The following DGLUCY variants were observed in gnomAD, a reference collection of about 807,000 sequenced individuals.
The protein encoded by DGLUCY is D-glutamate cyclase, mitochondrial.
Under a neutral mutation model 58.5 loss-of-function variants are expected in DGLUCY, and 58 were observed. That is an observed-to-expected ratio of 0.99 (90% CI 0.80 to 1.23). The LOEUF is 1.23. DGLUCY is among the 50% of genes most tolerant of loss of function. DGLUCY has a pLI of 0.00. For missense variants in DGLUCY, 779 were observed against 784.7 expected, an observed-to-expected ratio of 0.99 and a Z score of 0.09; for synonymous variants, 325 against 314.1, an observed-to-expected ratio of 1.03 and a Z score of -0.37.
intron 3 of DGLUCY, among the ~76,000 whole-genome samples, chr14:91,161,442 C>T (rs2047975260): frequency 6.6e-6 from 1 of 152,194 alleles, no homozygotes; most frequent in Admixed American, 6.5e-5. Context: ...TTGGTCTTAG[C>T]AGGGCGCTTC....
At chr14:91,167,813 C>T in intron 4 of DGLUCY, 1 of 623,302 alleles carries the variant, frequency 1.6e-6, no homozygotes, top group Non-Finnish European at 2.9e-6. Context: ...GGTCGGTGTA[C>T]CTCTCCCACG....
upstream of DGLUCY, among the ~76,000 whole-genome samples, chr14:91,105,127 C>A (rs2044567014): frequency 6.6e-6 from 1 of 152,036 alleles, no homozygotes; most frequent in South Asian, 2.1e-4. Flanking sequence ...CCAGCCTGGC[C>A]AACATGTTGA....
At chr14:91,215,318 C>T in intron 12 of DGLUCY, 87 bp from the exon 13 acceptor site, 1 of 1,528,662 alleles carries the variant, frequency 6.5e-7, no homozygotes, top group East Asian at 2.3e-5. Context: ...GTGGACCAGT[C>T]CTGCAGATAG....
At chr14:91,142,840 A>AACAC (rs558892923) in intron 1 of DGLUCY, among the ~76,000 whole-genome samples, 2,384 of 124,264 alleles carry the variant, frequency 0.019, 36 homozygotes, top group East Asian at 0.035. Context: ...ATCTCTACTA[A>AACAC]ACACACACAC....
intron 7 of DGLUCY, among the ~76,000 whole-genome samples, chr14:91,176,504 G>A (rs1032687033): frequency 1.3e-5 from 2 of 152,188 alleles, no homozygotes; most frequent in South Asian, 2.1e-4. Context: ...GATTACAGGC[G>A]TGAGTCATCG....
chr14:91,074,160 C>CACAG (rs1453975330), intron 1 of DGLUCY, among the ~76,000 whole-genome samples: 78 of 136,158 alleles, frequency 5.7e-4, no homozygotes, highest in Non-Finnish European at 9.4e-4. Context: ...CACACACACA[C>CACAG]AGTCAAGCAC....
upstream of DGLUCY, among the ~76,000 whole-genome samples, chr14:91,103,913 T>C (rs935416684): frequency 1.3e-5 from 2 of 151,578 alleles, no homozygotes; most frequent in African/African-American, 4.8e-5. Context: ...TCTGCGCATG[T>C]CTGTGGAAGC....
intron 12 of DGLUCY, among the ~76,000 whole-genome samples, chr14:91,206,231 G>C (rs10083403): frequency 0.18 from 27,815 of 151,868 alleles, 3,225 homozygotes; most frequent in African/African-American, 0.31. Flanking sequence ...TGCCACGTAA[G>C]GGGGAGAGGA....
At chr14:91,188,790 C>T in intron 8 of DGLUCY, 120 bp from the exon 9 acceptor site, 1 of 1,181,096 alleles carries the variant, frequency 8.5e-7, no homozygotes, top group Non-Finnish European at 1.2e-6. Context: ...GATCACGCCA[C>T]TGCCTTCCAG....
chr14:91,063,209 GTTCACCA>G (rs1326960711), intron 1 of DGLUCY, among the ~76,000 whole-genome samples: 19 of 150,652 alleles, frequency 1.3e-4, no homozygotes, highest in Admixed American at 7.3e-4. Context: ...GTAGCCTGAT[GTTCACCA>G]ATCTCATTTC....
chr14:91,167,003 G>T (rs180990264), intron 3 of DGLUCY, among the ~76,000 whole-genome samples: 5 of 152,102 alleles, frequency 3.3e-5, no homozygotes, highest in Admixed American at 3.3e-4. Context: ...GCTAGGCGTG[G>T]TGGCAGACGC....
chr14:91,216,925 A>C (rs528391209), intron 13 of DGLUCY, among the ~76,000 whole-genome samples: 4 of 152,354 alleles, frequency 2.6e-5, no homozygotes, highest in African/African-American at 7.2e-5. Flanking sequence ...GCCAGCGCGC[A>C]GCACCCAAGC....
chr14:91,067,541 A>G (rs1387267003), intron 1 of DGLUCY, among the ~76,000 whole-genome samples: 1 of 151,906 alleles, frequency 6.6e-6, no homozygotes, highest in Non-Finnish European at 1.5e-5. Context: ...TACATTACCA[A>G]TATCTTTTTT....
At chr14:91,180,172 G>C (rs2049089834) in intron 7 of DGLUCY, among the ~76,000 whole-genome samples, 1 of 151,728 alleles carries the variant, frequency 6.6e-6, no homozygotes. Context: ...TTACAGCCGT[G>C]AGCCACTGCG....
intron 1 of DGLUCY, among the ~76,000 whole-genome samples, chr14:91,118,176 G>A (rs112631253): frequency 0.025 from 3,639 of 147,034 alleles, 66 homozygotes; most frequent in South Asian, 0.041. Context: ...CACCTCCTGG[G>A]TTCAAGCGAT....
intron 1 of DGLUCY, among the ~76,000 whole-genome samples, chr14:91,130,305 C>CTTTTTT (rs1187190275): frequency 7.3e-6 from 1 of 137,248 alleles, no homozygotes; most frequent in Non-Finnish European, 1.6e-5. Context: ...CTTTTCTTTT[C>CTTTTTT]TTTTTTTTTT....
intron 1 of DGLUCY, among the ~76,000 whole-genome samples, chr14:91,148,308 G>C (rs925020461): frequency 6.6e-6 from 1 of 151,076 alleles, no homozygotes; most frequent in East Asian, 2.1e-4. Flanking sequence ...AGGCTCAAGC[G>C]ATATTCCTAC....
At chr14:91,089,279 C>T (rs542202845) in intron 1 of DGLUCY, among the ~76,000 whole-genome samples, 28 of 152,156 alleles carry the variant, frequency 1.8e-4, no homozygotes, top group Non-Finnish European at 3.7e-4. Flanking sequence ...CCGGTGGCAG[C>T]TCTGTCAGGA....
Position 91,197,258 on chromosome 14 carries a change from C to T in DGLUCY, c.1295+784C>T, listed in dbSNP as rs141257579. 5.1e-3 allele frequency among the ~76,000 whole-genome samples: 774 copies of T among 152,010 alleles called. 6 individuals are homozygous for T. Among genetic ancestry groups the T allele is most frequent in the Middle Eastern group, 0.017 (5 of 292 alleles). On this transcript the variant is annotated intron_variant, in intron 10 of 13. Transcript: ENST00000256324. The stretch of plus-strand genomic sequence containing the variant: ...CCAGGATTACAGGCATGAGCCACCG[C>T]GCCTGGCCGCTAATTTTTTTATTTT...
Sources: gnomAD v4.1 joint callset for allele counts (sites outside exome capture counted in the v4.1 genomes callset) on GRCh38, gnomAD v4.1.1 for gene constraint, MANE v1.5 for transcripts, NCBI Gene and HGNC (gene_info 2026-07-23, HGNC 2026-07-21) for gene names.